GNAS-AS1: variants seen among roughly 807,000 people sequenced by gnomAD.
GNAS-AS1 encodes GNAS antisense RNA 1 (non-protein coding).
chr20:58,826,143 T>C, intron 4 of GNAS-AS1: 1 of 398,672 alleles, frequency 2.5e-6, no homozygotes, highest in Non-Finnish European at 4.4e-6. Flanking sequence ...GAAGTCTATT[T>C]AAAAATAGTG....
At chr20:58,821,987 T>C (rs1232616781) in intron 4 of GNAS-AS1, among the ~76,000 whole-genome samples, 1 of 152,172 alleles carries the variant, frequency 6.6e-6, no homozygotes, top group East Asian at 1.9e-4. Context: ...TCCTAAGTCA[T>C]CCCTATCCCG....
In GNAS-AS1 at chr20:58,830,663, CCACCAT is replaced by C. The variant is rs1351704016; in HGVS notation, n.819+11268_819+11273del. On this transcript the variant is annotated intron_variant and non_coding_transcript_variant, in intron 4 of 4. Transcript: ENST00000424094. ...CACCACCACACCACCATCACCACCA[CCACCAT>C]CACCATCACCACTACCATCACAACC... Among the ~76,000 whole-genome samples, 826 of 145,582 alleles carry C rather than the reference CCACCAT, an allele frequency of 5.7e-3. 14 individuals are homozygous for C. Among genetic ancestry groups the C allele is most frequent in the African/African-American group, 0.02 (770 of 38,926 alleles).
intron 1 of GNAS-AS1, among the ~76,000 whole-genome samples, chr20:58,850,275 G>A (rs1030742530): frequency 5.9e-5 from 9 of 152,172 alleles, no homozygotes; most frequent in Admixed American, 2.6e-4. Context: ...TCCAGGATGA[G>A]GAACTGGTAT....
At chr20:58,830,847 C>T (rs1013524327) in intron 4 of GNAS-AS1, among the ~76,000 whole-genome samples, 1 of 151,816 alleles carries the variant, frequency 6.6e-6, no homozygotes, top group African/African-American at 2.4e-5. Context: ...TTCTCACCTC[C>T]AAACTTTCTG....
At chr20:58,842,444 T>C (rs2085775471) in exon 3 of GNAS-AS1, 1 of 398,508 alleles carries the variant, frequency 2.5e-6, no homozygotes. Flanking sequence ...TTAAATGGTC[T>C]TCCTTCCAGG....
chr20:58,840,305 G>A lies in GNAS-AS1; in HGVS notation n.819+1632C>T. On this transcript the variant is annotated intron_variant and non_coding_transcript_variant, in intron 4 of 4. Transcript: ENST00000424094. This position sits in a 1 kb window ranked among gnomAD's most constrained non-coding sequence, Gnocchi z 6.0. The stretch of plus-strand genomic sequence containing the variant: ...CCAACAGCGCCGGAGCTTCCTTAAC[G>A]CCCACCACCGCTCCGGCGCCCAGGT... 1 of 1,612,636 alleles carries A rather than the reference G, an allele frequency of 6.2e-7. No individual in the cohort carries two copies. Among genetic ancestry groups the A allele is most frequent in the Non-Finnish European group, 8.5e-7 (1 of 1,179,916 alleles).
At chr20:58,836,737 C>T (rs2085606110) in intron 4 of GNAS-AS1, among the ~76,000 whole-genome samples, 1 of 152,216 alleles carries the variant, frequency 6.6e-6, no homozygotes, top group African/African-American at 2.4e-5. Flanking sequence ...ATTTGCTCGA[C>T]CTCGGCACTA....
chr20:58,839,760 C>G (rs537345739), intron 4 of GNAS-AS1: 38 of 567,058 alleles, frequency 6.7e-5, no homozygotes, highest in Non-Finnish European at 1.1e-4. Context: ...TCTCCTCTGT[C>G]CTCTCCCAGG....
At chr20:58,820,518 C>T (rs1306962284) in intron 4 of GNAS-AS1, among the ~76,000 whole-genome samples, 1 of 152,250 alleles carries the variant, frequency 6.6e-6, no homozygotes, top group Non-Finnish European at 1.5e-5. Flanking sequence ...ACCTTCTCTA[C>T]ACTGCCAAGC....
intron 4 of GNAS-AS1, among the ~76,000 whole-genome samples, chr20:58,832,368 G>T: frequency 6.6e-6 from 1 of 152,320 alleles, no homozygotes; most frequent in South Asian, 2.1e-4. Context: ...ATGCAGAAAA[G>T]ATGATAATAT....
intron 2 of GNAS-AS1, among the ~76,000 whole-genome samples, chr20:58,848,698 G>A (rs541809451): frequency 1.3e-5 from 2 of 152,172 alleles, no homozygotes; most frequent in South Asian, 4.2e-4. Context: ...AACCAATCAG[G>A]CCAATCAAGG....
chr20:58,842,276 G>T (rs1424550575), intron 3 of GNAS-AS1: 4 of 397,864 alleles, frequency 1.0e-5, no homozygotes, highest in South Asian at 1.4e-4. Context: ...CTTGGAAATT[G>T]ATTTTTTTTT....
At chr20:58,830,424 CGCCACACCACCATCATT>C (rs1220594665) in intron 4 of GNAS-AS1, among the ~76,000 whole-genome samples, 1 of 142,792 alleles carries the variant, frequency 7.0e-6, no homozygotes, top group Non-Finnish European at 1.5e-5. Context: ...TCACCACCAC[CGCCACACCACCATCATT>C]ACCACCACCA....
chr20:58,847,101 T>C (rs985816691), intron 2 of GNAS-AS1, among the ~76,000 whole-genome samples: 1 of 152,236 alleles, frequency 6.6e-6, no homozygotes, highest in Non-Finnish European at 1.5e-5. Context: ...GACAGTGGCA[T>C]GCCTTGGCTG....
At chr20:58,850,570 C>G (rs2086117985) in exon 1 of GNAS-AS1, 1 of 398,914 alleles carries the variant, frequency 2.5e-6, no homozygotes, top group African/African-American at 2.1e-5. Flanking sequence ...GGCCTCAACT[C>G]CTTATCCATC....
At chr20:58,846,417 A>C (rs1434016711) in intron 2 of GNAS-AS1, among the ~76,000 whole-genome samples, 2 of 152,244 alleles carry the variant, frequency 1.3e-5, no homozygotes, top group African/African-American at 4.8e-5. Context: ...CACCATTAAC[A>C]TCACTGTCCC....
intron 4 of GNAS-AS1, among the ~76,000 whole-genome samples, chr20:58,827,348 C>T (rs893568905): frequency 2.0e-5 from 3 of 152,116 alleles, no homozygotes; most frequent in African/African-American, 4.8e-5. Context: ...AGAAGAGGGT[C>T]GTGCTAGCAG....
At chr20:58,819,158 T>C in exon 5 of GNAS-AS1, 1 of 398,654 alleles carries the variant, frequency 2.5e-6, no homozygotes, top group Non-Finnish European at 4.4e-6. Flanking sequence ...GTTGAAGTAC[T>C]ATGGTTTTCA....
intron 4 of GNAS-AS1, among the ~76,000 whole-genome samples, chr20:58,828,884 G>A (rs1434793355): frequency 8.2e-6 from 1 of 122,096 alleles, no homozygotes; most frequent in Non-Finnish European, 1.7e-5. Flanking sequence ...CAGAGCTCCT[G>A]GCCCCACCGC....
Sources: allele counts gnomAD v4.1 joint callset (sites outside exome capture counted in the v4.1 genomes callset), GRCh38; gene constraint gnomAD v4.1.1; non-coding constraint Gnocchi (gnomAD v3.1); transcripts MANE v1.5; gene names NCBI Gene and HGNC (gene_info 2026-07-23, HGNC 2026-07-21).